CHRM3: variants seen among roughly 807,000 people sequenced by gnomAD.
CHRM3 encodes the protein muscarinic acetylcholine receptor M3.
In CHRM3, 11 loss-of-function variants were observed where a neutral mutation model predicts 41.8. That is an observed-to-expected ratio of 0.26 (90% CI 0.17 to 0.44). The LOEUF is 0.44. Among genes scored for constraint, CHRM3 ranks in the 20% least tolerant of loss-of-function variants. The pLI, the probability that CHRM3 is intolerant of heterozygous loss-of-function variation, is 1.00. For missense variants in CHRM3, 571 were observed against 745.4 expected (o/e 0.77, Z 2.72); for synonymous variants, 297 against 301.4 (o/e 0.99, Z 0.15).
At chr1:239,573,463 C>A (rs964432480) in intron 3 of CHRM3, among the ~76,000 whole-genome samples, 2 of 152,044 alleles carry the variant, frequency 1.3e-5, no homozygotes, top group African/African-American at 4.8e-5. Context: ...TTCCCTAAGC[C>A]ATATTCTTTC....
chr1:239,432,874 G>T (rs1234982237), intron 1 of CHRM3, among the ~76,000 whole-genome samples: 1 of 151,654 alleles, frequency 6.6e-6, no homozygotes, highest in African/African-American at 2.4e-5. Context: ...TTTGAATATT[G>T]GGCTTCCCAG....
chr1:239,547,154 C>T (rs1479994358), intron 3 of CHRM3, among the ~76,000 whole-genome samples: 4 of 152,076 alleles, frequency 2.6e-5, no homozygotes, highest in South Asian at 2.1e-4. Flanking sequence ...ATAAATGGAA[C>T]GAAAATCTTA....
rs1449757647 is a variant in CHRM3 at position 239,404,462 on chromosome 1, GAAAGAAAA to G, written c.-521+17237_-521+17244del. On this transcript the variant is annotated intron_variant, in intron 1 of 6. Transcript: ENST00000676153. ...AGAAAGAAAGAAAGAAAGAAAGAAA[GAAAGAAAA>G]AGAAAGAAAGAAAGGAACATTTATT... Among the ~76,000 whole-genome samples the G allele has an allele frequency of 1.6e-3, 207 of 129,468 alleles. 4 individuals are homozygous for G. The highest frequency in any genetic ancestry group is 2.7e-3 in the Non-Finnish European group (159 of 59,822). 84.9% of individuals were successfully genotyped at this position (129,468 alleles called of 152,430 possible).
chr1:239,446,169 T>A (rs1254443185), intron 1 of CHRM3, among the ~76,000 whole-genome samples: 1 of 152,168 alleles, frequency 6.6e-6, no homozygotes, highest in Admixed American at 6.5e-5. Flanking sequence ...TCTCCTGACC[T>A]CGTGATCCGC....
At chr1:239,429,923 C>T (rs1040256513) in intron 1 of CHRM3, among the ~76,000 whole-genome samples, 1 of 151,528 alleles carries the variant, frequency 6.6e-6, no homozygotes, top group African/African-American at 2.4e-5. Flanking sequence ...GAAATAAATG[C>T]CCAAAGTGTG....
chr1:239,824,669 A>G (rs1406125153), intron 5 of CHRM3, among the ~76,000 whole-genome samples: 7 of 152,244 alleles, frequency 4.6e-5, no homozygotes, highest in Non-Finnish European at 8.8e-5. Flanking sequence ...CTTGTAAAAC[A>G]GAGTTAGCTG....
At chr1:239,641,875 A>T (rs1426057210) in intron 4 of CHRM3, among the ~76,000 whole-genome samples, 1 of 126,364 alleles carries the variant, frequency 7.9e-6, no homozygotes, top group Admixed American at 8.1e-5. Context: ...GGTCTTTACA[A>T]TTTGGCGTGA....
intron 5 of CHRM3, among the ~76,000 whole-genome samples, chr1:239,691,734 T>A (rs1440583174): frequency 6.6e-6 from 1 of 152,216 alleles, no homozygotes; most frequent in Non-Finnish European, 1.5e-5. Context: ...TCAGTCGTGC[T>A]AATGTCTCCT....
chr1:239,739,410 CTT>C (rs1664654035), intron 5 of CHRM3, among the ~76,000 whole-genome samples: 1 of 152,176 alleles, frequency 6.6e-6, no homozygotes, highest in Non-Finnish European at 1.5e-5. Context: ...CTGCAGCAAT[CTT>C]TCACCATAAC....
chr1:239,909,585 T>C lies in CHRM3; in HGVS notation c.*361T>C, dbSNP rs765251385. 3 of 189,042 alleles carry C rather than the reference T, an allele frequency of 1.6e-5. No homozygotes were observed. The highest frequency in any genetic ancestry group is 3.6e-5 in the Non-Finnish European group (3 of 82,326). The allele number at this position is 189,042 out of a possible 1,614,324, so 11.7% of individuals were successfully genotyped here. A position where few individuals can be genotyped will look rare whatever the true frequency, so the allele number is the denominator to read the frequency against. On this transcript the variant is annotated 3_prime_UTR_variant, in exon 7 of 7. Coordinates refer to ENST00000676153, the MANE Select transcript of CHRM3 (RefSeq NM_001375978.1). ...TTAGCTTTGGAATCTCAGATGAGCA[T>C]AGCTGACCCAGTTCCCACATTCTTC... is the stretch of plus-strand genomic sequence containing the variant.
intron 1 of CHRM3, among the ~76,000 whole-genome samples, chr1:239,483,614 A>G (rs1214251252): frequency 6.6e-6 from 1 of 152,178 alleles, no homozygotes; most frequent in Non-Finnish European, 1.5e-5. Context: ...TTAATGAGGA[A>G]GTGACTGAGA....
chr1:239,829,707 C>T (rs1672748381), intron 6 of CHRM3, among the ~76,000 whole-genome samples: 1 of 152,120 alleles, frequency 6.6e-6, no homozygotes, highest in Non-Finnish European at 1.5e-5. Flanking sequence ...GGCAGACTGC[C>T]TCGATGTGAA....
intron 3 of CHRM3, among the ~76,000 whole-genome samples, chr1:239,623,542 C>T (rs1668673577): frequency 8.6e-6 from 1 of 115,840 alleles, no homozygotes; most frequent in African/African-American, 3.4e-5. Context: ...TACATGTGCA[C>T]ATTGTGCAGG....
chr1:239,814,984 C>T (rs1250523101), intron 5 of CHRM3, among the ~76,000 whole-genome samples: 2 of 152,024 alleles, frequency 1.3e-5, no homozygotes, highest in African/African-American at 4.8e-5. Flanking sequence ...TCGTGTTTGC[C>T]AGGCTGGTCT....
At chr1:239,702,913 T>C (rs1660818119) in intron 5 of CHRM3, among the ~76,000 whole-genome samples, 1 of 152,248 alleles carries the variant, frequency 6.6e-6, no homozygotes, top group Non-Finnish European at 1.5e-5. Context: ...GCAACATCTA[T>C]AATCTATAAT....
At chr1:239,777,941 G>A (rs1329039598) in intron 5 of CHRM3, among the ~76,000 whole-genome samples, 1 of 152,068 alleles carries the variant, frequency 6.6e-6, no homozygotes, top group Non-Finnish European at 1.5e-5. Context: ...AATGGACTAT[G>A]GGGACTCAGG....
chr1:239,845,023 G>A (rs764566252), intron 6 of CHRM3, among the ~76,000 whole-genome samples: 49 of 152,272 alleles, frequency 3.2e-4, no homozygotes, highest in Non-Finnish European at 5.4e-4. Flanking sequence ...TGCCTTGACA[G>A]GACTAGTCTA....
chr1:239,494,461 T>TA (rs1027143933), intron 2 of CHRM3, among the ~76,000 whole-genome samples: 22 of 152,250 alleles, frequency 1.4e-4, no homozygotes, highest in African/African-American at 5.1e-4. Flanking sequence ...GATACGTACA[T>TA]AAAAAAACAC....
At chr1:239,500,265 C>T (rs1668141249) in intron 2 of CHRM3, among the ~76,000 whole-genome samples, 1 of 152,110 alleles carries the variant, frequency 6.6e-6, no homozygotes, top group Non-Finnish European at 1.5e-5. Context: ...GGCACATATA[C>T]ACCATGGAAT....
Sources: allele counts gnomAD v4.1 joint callset (sites outside exome capture counted in the v4.1 genomes callset), GRCh38; gene constraint gnomAD v4.1.1; transcripts MANE v1.5; gene names NCBI Gene and HGNC (gene_info 2026-07-23, HGNC 2026-07-21).